Variants in FGGY observed in about 807,000 individuals in gnomAD.
FGGY encodes FGGY carbohydrate kinase domain containing.
FGGY carries 72 observed loss-of-function variants against 71.3 expected under a neutral mutation model. The ratio of observed to expected loss-of-function variants is 1.01; its 90% CI spans 0.84 to 1.23. The LOEUF is 1.23. FGGY is among the 50% of genes most tolerant of loss of function. The pLI is 0.00. For missense variants in FGGY, 668 were observed against 682.3 expected, an observed-to-expected ratio of 0.98 and a Z score of 0.23; for synonymous variants, 251 against 250.3, an observed-to-expected ratio of 1.00 and a Z score of -0.02.
At chr1:59,724,661 ATT>A (rs1443613890) in intron 14 of FGGY, among the ~76,000 whole-genome samples, 2 of 151,828 alleles carry the variant, frequency 1.3e-5, no homozygotes. Context: ...TCGTTTTTTT[ATT>A]TTAGCTATTC....
intron 14 of FGGY, among the ~76,000 whole-genome samples, chr1:59,748,837 A>G (rs954327907): frequency 7.2e-5 from 11 of 152,112 alleles, no homozygotes; most frequent in African/African-American, 2.4e-4. Flanking sequence ...TAATGAGATG[A>G]CTGATGGCTG....
intron 1 of FGGY, among the ~76,000 whole-genome samples, chr1:59,302,003 T>G (rs193029079): frequency 2.0e-5 from 3 of 151,854 alleles, no homozygotes; most frequent in African/African-American, 7.2e-5. Context: ...TCCCAAAGTG[T>G]TGGGATTACA....
chr1:59,704,934 T>A (rs893700594), intron 14 of FGGY, among the ~76,000 whole-genome samples: 3 of 152,116 alleles, frequency 2.0e-5, no homozygotes, highest in Non-Finnish European at 2.9e-5. Context: ...ATGCTGGATA[T>A]TGTCAGTTGT....
At chr1:59,499,299 G>GGTTTTTTTTTTT (rs2094145485) in intron 6 of FGGY, among the ~76,000 whole-genome samples, 7 of 105,804 alleles carry the variant, frequency 6.6e-5, no homozygotes, top group Admixed American at 5.5e-4. Flanking sequence ...TACTATGTTT[G>GGTTTTTTTTTTT]TTTTTTTTTT....
At chr1:59,443,904 G>A (rs918754645) in intron 5 of FGGY, among the ~76,000 whole-genome samples, 8 of 152,312 alleles carry the variant, frequency 5.3e-5, no homozygotes, top group East Asian at 1.9e-4. Flanking sequence ...GCATGGGACC[G>A]TGAAGCAAAG....
At chr1:59,415,338 A>AT (rs1024755733) in intron 5 of FGGY, among the ~76,000 whole-genome samples, 20 of 152,146 alleles carry the variant, frequency 1.3e-4, no homozygotes, top group Non-Finnish European at 2.6e-4. Context: ...ACAAGTGTTG[A>AT]TTTTTTTCTT....
At chr1:59,644,179 T>C (rs1385970369) in intron 11 of FGGY, among the ~76,000 whole-genome samples, 2 of 152,090 alleles carry the variant, frequency 1.3e-5, no homozygotes, top group African/African-American at 4.8e-5. Context: ...TGACTCAGAT[T>C]TAAAAAAAAA....
intron 6 of FGGY, among the ~76,000 whole-genome samples, chr1:59,510,040 CTTTTTTTT>C (rs10608143): frequency 1.4e-5 from 2 of 139,930 alleles, no homozygotes; most frequent in South Asian, 2.3e-4. Flanking sequence ...TTTCTTTTTT[CTTTTTTTT>C]TTTTTTTAAC....
In FGGY at chr1:59,422,703, A is replaced by T. The variant is rs1055555696; in HGVS notation, c.555-34258A>T. 1.3e-3 allele frequency among the ~76,000 whole-genome samples: 203 copies of T among 152,198 alleles called. 1 individual carries two copies. Among genetic ancestry groups the T allele is most frequent in the African/African-American group, 4.3e-3 (180 of 41,534 alleles). On this transcript the variant is annotated intron_variant, in intron 5 of 15. Coordinates refer to ENST00000303721, the MANE Select transcript of FGGY (RefSeq NM_018291.5). ...CGAGACCCTGTCTCAAAGGAAAAAA[A>T]AAAAAAAGGTTACTTGCTTATGAAT...
intron 7 of FGGY, among the ~76,000 whole-genome samples, chr1:59,533,617 G>A (rs540369252): frequency 9.8e-5 from 15 of 152,358 alleles, no homozygotes; most frequent in Non-Finnish European, 2.2e-4. Context: ...TTTGAAGAGA[G>A]CAGTGGTTCT....
At chr1:59,328,676 G>A (rs111719095) in intron 2 of FGGY, among the ~76,000 whole-genome samples, 40 of 152,222 alleles carry the variant, frequency 2.6e-4, no homozygotes, top group Non-Finnish European at 4.7e-4. Context: ...ATGCCTACTT[G>A]ACTAAGCTTA....
chr1:59,565,293 T>G (rs1189375392), intron 8 of FGGY, among the ~76,000 whole-genome samples: 1 of 152,080 alleles, frequency 6.6e-6, no homozygotes, highest in African/African-American at 2.4e-5. Flanking sequence ...GTCCTTTCTT[T>G]TTTTTTAAGA....
chr1:59,416,420 A>G (rs2064436209), intron 5 of FGGY, among the ~76,000 whole-genome samples: 1 of 152,216 alleles, frequency 6.6e-6, no homozygotes, highest in African/African-American at 2.4e-5. Context: ...AGAGTGATTT[A>G]TGATGACAAT....
intron 5 of FGGY, among the ~76,000 whole-genome samples, chr1:59,412,525 A>G (rs1003104658): frequency 5.9e-5 from 9 of 152,140 alleles, no homozygotes; most frequent in Non-Finnish European, 1.3e-4. Context: ...CTGATGCAGT[A>G]GAACCCTCTT....
intron 8 of FGGY, among the ~76,000 whole-genome samples, chr1:59,589,052 A>G (rs1265475201): frequency 1.3e-5 from 2 of 152,208 alleles, no homozygotes; most frequent in South Asian, 2.1e-4. Context: ...CCCAGCTCAC[A>G]TGCAGAGACA....
chr1:59,554,091 A>T, intron 7 of FGGY, 33 bp from the exon 8 acceptor site: 1 of 1,516,720 alleles, frequency 6.6e-7, no homozygotes. Flanking sequence ...TTATGTGTTA[A>T]AGAGGATTTG....
chr1:59,389,528 A>G (rs187608613), intron 5 of FGGY, among the ~76,000 whole-genome samples: 3 of 152,306 alleles, frequency 2.0e-5, no homozygotes, highest in East Asian at 3.9e-4. Context: ...GCTATTGTCA[A>G]TGATGCTGTG....
rs573561790 is a variant in FGGY, at chr1:59,368,266, G to A, written c.466-10483G>A. 5.9e-5 allele frequency among the ~76,000 whole-genome samples: 9 copies of A among 152,332 alleles called. No individual in the cohort carries two copies. In the South Asian group the frequency reaches 1.5e-3, roughly 25 times the overall value. On this transcript the variant is annotated intron_variant, in intron 4 of 15. Transcript: ENST00000303721. Reference sequence around the variant, plus strand: ...ACATGAGCTGTCCAGGATTGAAATTGTACGGAAATGTGCTTAGAAGGGCTT... The same window carrying A: ...ACATGAGCTGTCCAGGATTGAAATTATACGGAAATGTGCTTAGAAGGGCTT...
chr1:59,562,913 A>C (rs2095815270), intron 8 of FGGY, among the ~76,000 whole-genome samples: 1 of 152,226 alleles, frequency 6.6e-6, no homozygotes, highest in African/African-American at 2.4e-5. Context: ...TTAGCTCAAT[A>C]ATGCTTTTTA....
Sources: allele counts gnomAD v4.1 joint callset (sites outside exome capture counted in the v4.1 genomes callset), GRCh38; gene constraint gnomAD v4.1.1; transcripts MANE v1.5; gene names NCBI Gene and HGNC (gene_info 2026-07-23, HGNC 2026-07-21).